TTBK1: variants seen among roughly 807,000 people sequenced by gnomAD.
TTBK1 encodes tau tubulin kinase 1.
TTBK1 carries 34 observed loss-of-function variants against 108.5 expected under a neutral mutation model. The ratio of observed to expected loss-of-function variants is 0.31; its 90% CI spans 0.24 to 0.42. The LOEUF (loss-of-function observed/expected upper bound fraction) is 0.42. TTBK1 is among the 10% of genes least tolerant of loss of function. TTBK1 has a pLI of 1.00. For synonymous variants in TTBK1, 809 were observed against 795.1 expected, an observed-to-expected ratio of 1.02 and a Z score of -0.29; for missense variants, 1,539 against 1,826.0, an observed-to-expected ratio of 0.84 and a Z score of 2.86.
At position 43,255,468 on chromosome 6, in the gene TTBK1, C is replaced by T. The variant is rs536869922; in HGVS notation, c.643-84C>T. The stretch of plus-strand genomic sequence containing the variant: ...GGGCCTGGGTGTCAGGCCTCCCTGA[C>T]AGATGCCCCTCAGAGAAGGGTCAGC... On this transcript the variant is annotated intron_variant, in intron 7 of 14. Coordinates refer to ENST00000259750, the MANE Select transcript of TTBK1 (RefSeq NM_032538.3). 7 of 1,298,276 alleles carry T rather than the reference C, an allele frequency of 5.4e-6. No homozygotes were observed. The Admixed American group carries it at 7.9e-5, about 15-fold the overall frequency. The allele number at this position is 1,298,276 out of a possible 1,614,324, so 80.4% of individuals were successfully genotyped here. A position where few individuals can be genotyped will look rare whatever the true frequency, so the allele number is the denominator to read the frequency against.
At chr6:43,275,332 G>A (rs1349606093) in intron 13 of TTBK1, among the ~76,000 whole-genome samples, 1 of 151,384 alleles carries the variant, frequency 6.6e-6, no homozygotes, top group Non-Finnish European at 1.5e-5. Flanking sequence ...CCGCCGCCGA[G>A]GCTTCCCCTG....
In TTBK1 at chr6:43,263,197, G is replaced by A; in HGVS notation, c.1833G>A (p.Leu611=). 2 of 1,579,648 alleles carry A rather than the reference G, an allele frequency of 1.3e-6. No individual in the cohort carries two copies. Among genetic ancestry groups the A allele is most frequent in the Non-Finnish European group, 1.7e-6 (2 of 1,162,654 alleles). ...QALAEEDLQH[L]PPQPLPPQLS... ...TGGCGGAGGAGGACCTGCAGCATTT[G>A]CCGCCCCAGCCCCTGCCACCCCAGC... is the stretch of plus-strand genomic sequence containing the variant. Residue 611 remains leucine (L), a synonymous_variant, in exon 13 of 15, where the codon TTG becomes TTA. Transcript: ENST00000259750. The surrounding 1 kb of genome is among the most constrained non-coding windows in gnomAD (Gnocchi z 4.7).
intron 13 of TTBK1, among the ~76,000 whole-genome samples, chr6:43,277,447 A>C (rs1778031267): frequency 6.6e-6 from 1 of 152,178 alleles, no homozygotes; most frequent in Non-Finnish European, 1.5e-5. Flanking sequence ...CCATCCCCGC[A>C]CACTGCCAAC....
At chr6:43,267,751 G>C (rs1448523333) in intron 13 of TTBK1, among the ~76,000 whole-genome samples, 2 of 152,190 alleles carry the variant, frequency 1.3e-5, no homozygotes, top group African/African-American at 4.8e-5. Flanking sequence ...TGTGTGATCT[G>C]GGGGAGGGCT....
rs2150705833 is a variant in TTBK1, at chr6:43,273,544, G to C, written c.1987-9183G>C. Among the ~76,000 whole-genome samples the C allele has an allele frequency of 6.6e-6, 1 of 152,140 alleles. No homozygotes were observed. The highest frequency in any genetic ancestry group is 1.9e-4 in the East Asian group (1 of 5,176). Reference sequence around the variant, plus strand: ...TCCAAAGCCTGACCTCAGTGGGATTGGTGAGGTCCTAGGGGTCAGACTCAC... The same window carrying C: ...TCCAAAGCCTGACCTCAGTGGGATTCGTGAGGTCCTAGGGGTCAGACTCAC... On this transcript the variant is annotated intron_variant, in intron 13 of 14. Transcript: ENST00000259750. This position sits in a 1 kb window ranked among gnomAD's most constrained non-coding sequence, Gnocchi z 4.2.
rs879137040 is a variant in TTBK1 at position 43,253,233 on chromosome 6, G to C, written c.257-58G>C. 2 of 1,586,920 alleles carry C rather than the reference G, an allele frequency of 1.3e-6. No individual in the cohort carries two copies. The highest frequency in any genetic ancestry group is 1.7e-6 in the Non-Finnish European group (2 of 1,155,440). On this transcript the variant is annotated intron_variant, in intron 3 of 14. Coordinates refer to ENST00000259750, the MANE Select transcript of TTBK1 (RefSeq NM_032538.3). This position sits in a 1 kb window ranked among gnomAD's most constrained non-coding sequence, Gnocchi z 5.8. ...AAGAGTGCACTAGGAACCCATCTTA[G>C]GGTTGGAAATGAGGAAGAAAGAGTA...
At chr6:43,270,300 C>A in intron 13 of TTBK1, 1 of 1,094,056 alleles carries the variant, frequency 9.1e-7, no homozygotes, top group Non-Finnish European at 1.1e-6. Flanking sequence ...ATGAGGCCTG[C>A]AGGGCCAGAG....
intron 13 of TTBK1, among the ~76,000 whole-genome samples, chr6:43,281,057 A>G (rs1412559950): frequency 6.6e-6 from 1 of 151,946 alleles, no homozygotes; most frequent in Non-Finnish European, 1.5e-5. Context: ...TGGGTGGGGG[A>G]TTCATGGGCC....
rs754522479 is a variant in TTBK1 at position 43,263,014 on chromosome 6, G to A, written c.1650G>A (p.Thr550=). 1.1e-5 allele frequency: 18 copies of A among 1,606,224 alleles called. No homozygotes were observed. The highest frequency in any genetic ancestry group is 3.4e-5 in the Admixed American group (2 of 58,678). ...AGTGGGTCATCATCGACAAGGAGAC[G>A]GAGCTCAAGGACTTCCCTCCAGGGG... ...SKEWVIIDKE[T]ELKDFPPGAE... The change falls in exon 13 of 15, where the codon ACG becomes ACA. Residue 550 remains threonine, a synonymous_variant. Transcript: ENST00000259750. This position sits in a 1 kb window ranked among gnomAD's most constrained non-coding sequence, Gnocchi z 4.7.
In TTBK1 at chr6:43,263,058, GCAC is replaced by G; in HGVS notation, c.1698_1700del (p.Thr567del). On this transcript the variant is annotated inframe_deletion, in exon 13 of 15. Coordinates refer to ENST00000259750, the MANE Select transcript of TTBK1 (RefSeq NM_032538.3). The surrounding 1 kb of genome is among the most constrained non-coding windows in gnomAD (Gnocchi z 4.7). ...CCAGGGGCTGAGCCCAGCACATCGG[GCAC>G]CACGGATGAGGAGCCCGAGGAGCTG... The G allele has an allele frequency of 9.5e-6, 15 of 1,584,668 alleles. No individual in the cohort carries two copies. The highest frequency in any genetic ancestry group is 1.3e-5 in the Non-Finnish European group (15 of 1,165,808).
At chr6:43,270,915 C>T (rs1777818125) in intron 13 of TTBK1, 7 of 985,514 alleles carry the variant, frequency 7.1e-6, no homozygotes, top group Non-Finnish European at 7.2e-6. Flanking sequence ...AAGGTGACTC[C>T]TTCCTGTAGG....
At chr6:43,245,611 A>T (rs981374365) in intron 1 of TTBK1, among the ~76,000 whole-genome samples, 15 of 152,108 alleles carry the variant, frequency 9.9e-5, no homozygotes, top group Admixed American at 2.0e-4. Flanking sequence ...ACAGACATAC[A>T]CACACGCACA....
At position 43,269,834 on chromosome 6, in the gene TTBK1, G is replaced by C. The variant is rs1295337335; in HGVS notation, c.1986+6484G>C. 2 of 1,535,720 alleles carry C rather than the reference G, an allele frequency of 1.3e-6. No individual in the cohort carries two copies. Among genetic ancestry groups the C allele is most frequent in the South Asian group, 2.4e-5 (2 of 84,278 alleles). ...CGGCTGAGAGCAGCCCTGTGCGGGC[G>C]CCCCACCGGCGCCACGCGCCCCTCG... is the stretch of plus-strand genomic sequence containing the variant. On this transcript the variant is annotated intron_variant, in intron 13 of 14. Coordinates refer to ENST00000259750, the MANE Select transcript of TTBK1 (RefSeq NM_032538.3). This position sits in a 1 kb window ranked among gnomAD's most constrained non-coding sequence, Gnocchi z 4.8.
Position 43,283,915 on chromosome 6 carries a change from C to T in TTBK1, c.3175C>T (p.Leu1059=), listed in dbSNP as rs1156243381. The T allele has an allele frequency of 1.9e-6, 3 of 1,613,132 alleles. No individual in the cohort carries two copies. The South Asian group carries it at 3.3e-5, about 18-fold the overall frequency. Reference sequence around the variant, plus strand: ...TCGCCCCAGGAGCCGTATCCCTGTCCTGCTCTCTGAGGAGGACACGGGCTC... The same window carrying T: ...TCGCCCCAGGAGCCGTATCCCTGTCTTGCTCTCTGAGGAGGACACGGGCTC... ...GSRPRSRIPV[L]LSEEDTGSEP... is the part of the protein sequence containing the mutation. The change falls in exon 14 of 15, where the codon CTG becomes TTG. Residue 1059 remains leucine (L), a synonymous_variant. Transcript: ENST00000259750. The surrounding 1 kb of genome is among the most constrained non-coding windows in gnomAD (Gnocchi z 8.1).
chr6:43,260,346 A>G (rs547554380), intron 12 of TTBK1, among the ~76,000 whole-genome samples: 3 of 152,304 alleles, frequency 2.0e-5, no homozygotes, highest in Non-Finnish European at 4.4e-5. Context: ...GGACAACATC[A>G]GGTGGGGAGG....
intron 10 of TTBK1, 105 bp from the exon 11 acceptor site, chr6:43,258,933 C>A: frequency 1.3e-6 from 1 of 774,748 alleles, no homozygotes; most frequent in Non-Finnish European, 2.1e-6. Flanking sequence ...TGCCTCTGTG[C>A]CCGCTCCTGG....
intron 1 of TTBK1, among the ~76,000 whole-genome samples, chr6:43,246,021 G>A: frequency 6.6e-6 from 1 of 152,230 alleles, no homozygotes; most frequent in Non-Finnish European, 1.5e-5. Flanking sequence ...TGAGAAAGGT[G>A]TATGACTCTC....
chr6:43,283,670 C>T lies in TTBK1; in HGVS notation c.2930C>T (p.Ala977Val), dbSNP rs368660442. 25 of 1,613,766 alleles carry T rather than the reference C, an allele frequency of 1.5e-5. No individual in the cohort carries two copies. Among genetic ancestry groups the T allele is most frequent in the Middle Eastern group, 1.6e-4 (1 of 6,084 alleles). The change falls in exon 14 of 15, where the codon GCG (alanine) becomes GTG (valine). Residue 977 changes from alanine (A) to valine (V), a missense_variant. This residue lies in a region of TTBK1 where 1,055 missense variants were observed against 1,086.5 expected (regional missense o/e 0.97). Coordinates refer to ENST00000259750, the MANE Select transcript of TTBK1 (RefSeq NM_032538.3). The surrounding 1 kb of genome is among the most constrained non-coding windows in gnomAD (Gnocchi z 8.1). Reference sequence around the variant, plus strand: ...GGCGCTGTGGAGGAGGGGGCCCGAGCGCCCCTGGAGAACGGCCTCGCCCTG... The same window carrying T: ...GGCGCTGTGGAGGAGGGGGCCCGAGTGCCCCTGGAGAACGGCCTCGCCCTG... ...DGGAVEEGAR[A>V]PLENGLALSG...
chr6:43,259,491 C>G lies in TTBK1; in HGVS notation c.1249-40C>G. On this transcript the variant is annotated intron_variant, in intron 11 of 14. Transcript: ENST00000259750. This position sits in a 1 kb window ranked among gnomAD's most constrained non-coding sequence, Gnocchi z 6.7. ...TGAGGAGACCATCCGCCCACAGCCG[C>G]CTCATCAGCCCCAGCTCATGGCACT... The G allele has an allele frequency of 6.6e-7, 1 of 1,520,388 alleles. No homozygotes were observed. Among genetic ancestry groups the G allele is most frequent in the Non-Finnish European group, 8.8e-7 (1 of 1,137,326 alleles). The allele number at this position is 1,520,388 out of a possible 1,614,324, so 94.2% of individuals were successfully genotyped here. A position where few individuals can be genotyped will look rare whatever the true frequency, so the allele number is the denominator to read the frequency against.
Sources: allele counts gnomAD v4.1 joint callset (sites outside exome capture counted in the v4.1 genomes callset), GRCh38; gene constraint gnomAD v4.1.1; regional missense constraint gnomAD v4.1.1; non-coding constraint Gnocchi (gnomAD v3.1); transcripts MANE v1.5; gene names NCBI Gene and HGNC (gene_info 2026-07-23, HGNC 2026-07-21).